The following RNF144A variants were observed in gnomAD, a reference collection of about 807,000 sequenced individuals.
RNF144A encodes ring finger protein 144A, also known as E3 ubiquitin-protein ligase RNF144A.
RNF144A carries 11 observed loss-of-function variants against 38.7 expected under a neutral mutation model. The observed-to-expected ratio is 0.28, with a 90% confidence interval of 0.18 to 0.47. The LOEUF (loss-of-function observed/expected upper bound fraction) is 0.47. Among genes scored for constraint, RNF144A ranks in the 20% least tolerant of loss-of-function variants. RNF144A has a pLI of 0.99. For synonymous variants in RNF144A, 149 were observed against 143.9 expected, an observed-to-expected ratio of 1.04 and a Z score of -0.25; for missense variants, 316 against 377.2, an observed-to-expected ratio of 0.84 and a Z score of 1.34.
chr2:7,014,890 G>T, intron 5 of RNF144A, 118 bp downstream of exon 5: 1 of 726,542 alleles, frequency 1.4e-6, no homozygotes, highest in Non-Finnish European at 2.3e-6. Context: ...TTAAAAAGTT[G>T]ATGTAAAATA....
At chr2:6,924,051 G>T (rs950527606) in intron 1 of RNF144A, among the ~76,000 whole-genome samples, 23 of 152,216 alleles carry the variant, frequency 1.5e-4, no homozygotes, top group African/African-American at 5.5e-4. Flanking sequence ...TGGAATTCGA[G>T]TGTAAATTCT....
chr2:6,951,504 C>A (rs1666675742), intron 2 of RNF144A, among the ~76,000 whole-genome samples: 1 of 152,138 alleles, frequency 6.6e-6, no homozygotes, highest in South Asian at 2.1e-4. Flanking sequence ...AGCAGCAAAC[C>A]CTTGTTGGGA....
downstream of RNF144A, among the ~76,000 whole-genome samples, chr2:7,068,665 C>T (rs185777124): frequency 1.8e-4 from 27 of 152,182 alleles, no homozygotes; most frequent in African/African-American, 5.1e-4. Context: ...CTGAGCATAA[C>T]GGAAGCAGCT....
In RNF144A at chr2:6,982,793, G is replaced by GTCA. The variant is rs1166039639; in HGVS notation, c.-11-14120_-11-14118dup. On this transcript the variant is annotated intron_variant, in intron 2 of 8. Coordinates refer to ENST00000320892, the MANE Select transcript of RNF144A (RefSeq NM_014746.6). ...ACATTATTATCACATTATTGTCACA[G>GTCA]TCATCTTCCTGCTGCAGTAACATTG... Among the ~76,000 whole-genome samples the GTCA allele has an allele frequency of 5.9e-5, 9 of 152,340 alleles. 1 individual carries two copies. The South Asian group carries it at 6.2e-4, about 11-fold the overall frequency.
chr2:7,021,923 A>C (rs1489352122), intron 6 of RNF144A, among the ~76,000 whole-genome samples: 1 of 152,274 alleles, frequency 6.6e-6, no homozygotes, highest in Non-Finnish European at 1.5e-5. Flanking sequence ...TTCTAGTCTC[A>C]TTTAAATTAT....
intron 7 of RNF144A, 130 bp from the exon 8 acceptor site, chr2:7,029,996 T>G: frequency 1.4e-6 from 1 of 697,386 alleles, no homozygotes; most frequent in South Asian, 1.7e-5. Context: ...TGCGTGCCCT[T>G]CCCTGTGTCA....
At chr2:7,052,158 A>G (rs1673554649) in intron 6 of RNF144A, among the ~76,000 whole-genome samples, 2 of 152,130 alleles carry the variant, frequency 1.3e-5, no homozygotes, top group African/African-American at 4.8e-5. Context: ...ATACCTTGGC[A>G]TCACCTCACC....
rs1478206574 is a variant in RNF144A, at chr2:7,020,208, A to G, written c.302-265A>G. Among the ~76,000 whole-genome samples, 3 of 152,156 alleles carry G rather than the reference A, an allele frequency of 2.0e-5. No homozygotes were observed. The East Asian group carries it at 5.8e-4, about 29-fold the overall frequency. On this transcript the variant is annotated intron_variant, in intron 5 of 8. Transcript: ENST00000320892. ...CAAGCAGGGCTGACCCAGGGCTCCAAGGGCATTCCAGGGGCAGGAGCAGCA... is the reference window on the plus strand; with the variant it reads ...CAAGCAGGGCTGACCCAGGGCTCCAGGGGCATTCCAGGGGCAGGAGCAGCA...
At chr2:7,017,022 C>T (rs1320973678) in intron 5 of RNF144A, among the ~76,000 whole-genome samples, 1 of 152,220 alleles carries the variant, frequency 6.6e-6, no homozygotes, top group African/African-American at 2.4e-5. Flanking sequence ...ATTCTGAACA[C>T]CTCCTCACAA....
chr2:6,947,720 C>CA (rs902902768), intron 2 of RNF144A, among the ~76,000 whole-genome samples: 2 of 151,948 alleles, frequency 1.3e-5, no homozygotes, highest in African/African-American at 2.4e-5. Context: ...GTATTTAAGC[C>CA]AAAAAAAGGG....
At chr2:7,035,816 A>G (rs1434494386) in intron 8 of RNF144A, among the ~76,000 whole-genome samples, 1 of 152,194 alleles carries the variant, frequency 6.6e-6, no homozygotes, top group Non-Finnish European at 1.5e-5. Context: ...GAGGTTTTAT[A>G]TGCCACTTGC....
intron 3 of RNF144A, among the ~76,000 whole-genome samples, chr2:7,005,940 T>G (rs1361807167): frequency 2.0e-5 from 3 of 150,458 alleles, no homozygotes; most frequent in Non-Finnish European, 4.4e-5. Context: ...TTTTAACTTG[T>G]GGTATTGATG....
At chr2:6,928,367 T>C (rs1665006462) in intron 1 of RNF144A, among the ~76,000 whole-genome samples, 1 of 152,200 alleles carries the variant, frequency 6.6e-6, no homozygotes, top group Non-Finnish European at 1.5e-5. Context: ...CACCTGCCTG[T>C]GTGTTTACCA....
At chr2:6,996,742 G>A (rs1476293819) in intron 2 of RNF144A, 174 bp from the exon 3 acceptor site, 13 of 597,982 alleles carry the variant, frequency 2.2e-5, no homozygotes, top group Admixed American at 2.1e-4. Context: ...GACAGAGCGA[G>A]ACTCCATCTC....
At chr2:6,987,148 T>A (rs1460721124) in intron 2 of RNF144A, among the ~76,000 whole-genome samples, 1 of 151,804 alleles carries the variant, frequency 6.6e-6, no homozygotes, top group Non-Finnish European at 1.5e-5. Context: ...TTATCAGCAC[T>A]CTGGGGAATG....
chr2:7,016,457 A>C (rs1387961868), intron 5 of RNF144A, among the ~76,000 whole-genome samples: 2 of 152,132 alleles, frequency 1.3e-5, no homozygotes, highest in Non-Finnish European at 1.5e-5. Flanking sequence ...TACATTTTTC[A>C]ACCTAATAAT....
At chr2:6,981,103 C>T (rs921897019) in intron 2 of RNF144A, among the ~76,000 whole-genome samples, 1 of 152,122 alleles carries the variant, frequency 6.6e-6, no homozygotes, top group African/African-American at 2.4e-5. Flanking sequence ...CTGGCCCTGG[C>T]CCACAAAACC....
chr2:7,002,777 G>C (rs1438705373), intron 3 of RNF144A, among the ~76,000 whole-genome samples: 1 of 152,132 alleles, frequency 6.6e-6, no homozygotes, highest in African/African-American at 2.4e-5. Context: ...GAAAAAATAA[G>C]AGAGGTGTGG....
At chr2:6,983,936 C>G (rs1408532436) in intron 2 of RNF144A, among the ~76,000 whole-genome samples, 1 of 152,216 alleles carries the variant, frequency 6.6e-6, no homozygotes, top group Non-Finnish European at 1.5e-5. Context: ...TGAGCAGCTT[C>G]TTTTTCAAAG....
Sources: gnomAD v4.1 joint callset for allele counts (sites outside exome capture counted in the v4.1 genomes callset) on GRCh38, gnomAD v4.1.1 for gene constraint, MANE v1.5 for transcripts, NCBI Gene and HGNC (gene_info 2026-07-23, HGNC 2026-07-21) for gene names.